TSC22D1: variants seen among roughly 807,000 people sequenced by gnomAD.
TSC22D1 encodes the protein TSC22 domain family protein 1.
In TSC22D1, 9 loss-of-function variants were observed where a neutral mutation model predicts 74.2. The observed-to-expected ratio is 0.12, with a 90% CI of 0.07 to 0.21. The LOEUF (loss-of-function observed/expected upper bound fraction) is 0.21. Ranked by LOEUF, TSC22D1 falls within the 10% of genes least tolerant of loss-of-function variation. The probability of loss-of-function intolerance (pLI) is 1.00; values close to 1 mark genes in which losing one functional copy is unlikely to be tolerated. For synonymous variants in TSC22D1, 586 were observed against 492.5 expected (o/e 1.19, Z -2.51); for missense variants, 1,427 against 1,304.7 (o/e 1.09, Z -1.44).
At chr13:44,563,700 C>T (rs1271151158) in intron 1 of TSC22D1, among the ~76,000 whole-genome samples, 1 of 152,032 alleles carries the variant, frequency 6.6e-6, no homozygotes, top group Non-Finnish European at 1.5e-5. Context: ...CTTTTCTGAC[C>T]TACCAAAGGT....
intron 1 of TSC22D1, among the ~76,000 whole-genome samples, chr13:44,533,321 G>A (rs1429863315): frequency 2.0e-4 from 30 of 151,454 alleles, no homozygotes; most frequent in Admixed American, 7.2e-4. Context: ...AATTAGCTGG[G>A]CATGGTGGTC....
At chr13:44,451,580 T>C (rs1306498781) in intron 1 of TSC22D1, 2 of 152,228 alleles carry the variant, frequency 1.3e-5, no homozygotes, top group Non-Finnish European at 2.9e-5. Context: ...GGAAGCCTGC[T>C]ACCAGAGTGA....
chr13:44,501,660 C>A (rs1469989271), intron 1 of TSC22D1, among the ~76,000 whole-genome samples: 1 of 152,150 alleles, frequency 6.6e-6, no homozygotes, highest in East Asian at 1.9e-4. Context: ...GGAAGAGAAA[C>A]CCTAAAAGAA....
intron 1 of TSC22D1, among the ~76,000 whole-genome samples, chr13:44,471,624 G>A (rs760982669): frequency 6.6e-6 from 1 of 152,240 alleles, no homozygotes; most frequent in South Asian, 2.1e-4. Flanking sequence ...TCATATTGAC[G>A]TATAAGAGAA....
intron 1 of TSC22D1, among the ~76,000 whole-genome samples, chr13:44,460,851 G>A (rs1319609963): frequency 1.3e-5 from 2 of 152,136 alleles, no homozygotes; most frequent in Non-Finnish European, 2.9e-5. Flanking sequence ...GGCTTCTTTC[G>A]AGGAGTGAAG....
chr13:44,512,507 G>C (rs920869292), intron 1 of TSC22D1, among the ~76,000 whole-genome samples: 1 of 151,908 alleles, frequency 6.6e-6, no homozygotes, highest in Non-Finnish European at 1.5e-5. Flanking sequence ...CTTAAGCTTA[G>C]TGTTTCCTCT....
chr13:44,503,875 A>C (rs1044748374), intron 1 of TSC22D1, among the ~76,000 whole-genome samples: 1 of 152,046 alleles, frequency 6.6e-6, no homozygotes, highest in Non-Finnish European at 1.5e-5. Flanking sequence ...AGAAATACTT[A>C]AAATACTTTA....
intron 1 of TSC22D1, among the ~76,000 whole-genome samples, chr13:44,492,967 A>G (rs1181321214): frequency 1.3e-5 from 2 of 152,176 alleles, no homozygotes; most frequent in Non-Finnish European, 2.9e-5. Flanking sequence ...TCTCTAGCTC[A>G]GAAACTCTTC....
chr13:44,560,167 C>T (rs1360966335), intron 1 of TSC22D1, among the ~76,000 whole-genome samples: 3 of 152,054 alleles, frequency 2.0e-5, no homozygotes, highest in Non-Finnish European at 4.4e-5. Context: ...CAGTGGCTCA[C>T]GCCTGTAATC....
intron 1 of TSC22D1, among the ~76,000 whole-genome samples, chr13:44,484,667 G>C (rs1415348546): frequency 6.6e-6 from 1 of 152,186 alleles, no homozygotes; most frequent in Non-Finnish European, 1.5e-5. Flanking sequence ...AACCCTAGAA[G>C]TAAATCTAAG....
intron 1 of TSC22D1, among the ~76,000 whole-genome samples, chr13:44,535,092 T>C (rs375503681): frequency 2.0e-5 from 3 of 152,184 alleles, no homozygotes; most frequent in African/African-American, 7.2e-5. Context: ...GGTTTATCAA[T>C]TTCACTTCTC....
chr13:44,533,826 A>G (rs1880992635), intron 1 of TSC22D1, among the ~76,000 whole-genome samples: 2 of 152,194 alleles, frequency 1.3e-5, no homozygotes, highest in Non-Finnish European at 2.9e-5. Flanking sequence ...TCCTGAATGT[A>G]CATGGAATCA....
Position 44,574,274 on chromosome 13 carries a change from C to T in TSC22D1, c.1801G>A (p.Ala601Thr). The T allele has an allele frequency of 6.2e-7, 1 of 1,614,174 alleles. No homozygotes were observed. Among genetic ancestry groups the T allele is most frequent in the Non-Finnish European group, 8.5e-7 (1 of 1,180,042 alleles). ...LGQQPSISSL[A>T]QPQLPYSQAA... ...TGAGAATATGGTAGCTGGGGTTGAGCCAAACTGGAAATGGAAGGCTGCTGA... is the reference window on the plus strand; with the variant it reads ...TGAGAATATGGTAGCTGGGGTTGAGTCAAACTGGAAATGGAAGGCTGCTGA... Residue 601 changes from alanine to threonine, a missense_variant, in exon 1 of 3, where the codon GCT becomes ACT. By Grantham distance (58) the Ala-to-Thr change is moderately conservative. Transcript: ENST00000458659.
chr13:44,536,675 G>T (rs1881143743), intron 1 of TSC22D1: 2 of 912,808 alleles, frequency 2.2e-6, no homozygotes, highest in Non-Finnish European at 2.6e-6. Context: ...GTTATATTTT[G>T]ATCAATCTAG....
rs959072447 is a variant in TSC22D1, at chr13:44,575,779, G to C, written c.296C>G (p.Ala99Gly). Residue 99 changes from alanine (A) to glycine (G), a missense_variant, in exon 1 of 3, where the codon GCG (alanine) becomes GGG (glycine). Transcript: ENST00000458659. The part of the protein sequence containing the change: ...SQAQLQAQPL[A>G]PGGTQMKKKS... The stretch of plus-strand genomic sequence containing the variant: ...CTTTTTCATTTGAGTTCCGCCTGGC[G>C]CAAGAGGCTGTGCCTGCAGCTGAGC... 2.5e-6 allele frequency: 4 copies of C among 1,614,192 alleles called. No individual in the cohort carries two copies. Among genetic ancestry groups the C allele is most frequent in the African/African-American group, 1.3e-5 (1 of 75,058 alleles).
At chr13:44,538,150 G>A (rs1881260175) in intron 1 of TSC22D1, 2 of 984,988 alleles carry the variant, frequency 2.0e-6, no homozygotes, top group African/African-American at 3.5e-5. Context: ...CTACTGTTTT[G>A]TGACAGTACC....
chr13:44,562,779 G>A (rs1883129334), intron 1 of TSC22D1, among the ~76,000 whole-genome samples: 1 of 152,158 alleles, frequency 6.6e-6, no homozygotes, highest in African/African-American at 2.4e-5. Flanking sequence ...GGACACATCT[G>A]CTTTGAATTT....
intron 1 of TSC22D1, among the ~76,000 whole-genome samples, chr13:44,523,963 T>C (rs1880433857): frequency 6.6e-6 from 1 of 151,982 alleles, no homozygotes; most frequent in Admixed American, 6.6e-5. Context: ...ATATAAGAGA[T>C]AGACCCATCC....
At chr13:44,514,025 G>A (rs997525239) in intron 1 of TSC22D1, among the ~76,000 whole-genome samples, 1 of 152,230 alleles carries the variant, frequency 6.6e-6, no homozygotes, top group East Asian at 1.9e-4. Flanking sequence ...AGGAAACTGA[G>A]AATAGAAAAT....
Sources: allele counts gnomAD v4.1 joint callset (sites outside exome capture counted in the v4.1 genomes callset), GRCh38; gene constraint gnomAD v4.1.1; transcripts MANE v1.5; gene names NCBI Gene and HGNC (gene_info 2026-07-23, HGNC 2026-07-21).